The following SGCD variants were observed in gnomAD, a reference collection of about 807,000 sequenced individuals.
The protein encoded by SGCD is sarcoglycan delta, also known as delta-sarcoglycan.
Under a neutral mutation model 36.6 loss-of-function variants are expected in SGCD, and 18 were observed. The ratio of observed to expected loss-of-function variants is 0.49; its 90% CI spans 0.34 to 0.73. The LOEUF (loss-of-function observed/expected upper bound fraction) is 0.73, where lower values mean the gene tolerates loss of function less well. SGCD is among the 30% of genes least tolerant of loss of function. The pLI, the probability that SGCD is intolerant of heterozygous loss-of-function variation, is 0.01. For synonymous variants in SGCD, 133 were observed against 130.6 expected, an observed-to-expected ratio of 1.02 and a Z score of -0.12; for missense variants, 387 against 346.7, an observed-to-expected ratio of 1.12 and a Z score of -0.92.
chr5:156,383,113 TA>T (rs984951975), intron 3 of SGCD, among the ~76,000 whole-genome samples: 2 of 152,202 alleles, frequency 1.3e-5, no homozygotes, highest in African/African-American at 4.8e-5. Context: ...CCTGGAAGTT[TA>T]ACCATAATAC....
intron 3 of SGCD, among the ~76,000 whole-genome samples, chr5:156,292,681 A>G (rs1034839412): frequency 6.6e-6 from 1 of 151,974 alleles, no homozygotes; most frequent in Non-Finnish European, 1.5e-5. Context: ...CCACCATACT[A>G]TTTTCCACAG....
At chr5:156,017,050 C>T (rs1488575121) in intron 1 of SGCD, among the ~76,000 whole-genome samples, 2 of 152,096 alleles carry the variant, frequency 1.3e-5, no homozygotes, top group African/African-American at 4.8e-5. Flanking sequence ...TTTCAATAGC[C>T]TCACCAATAA....
chr5:156,019,559 ATC>A (rs1167747044), intron 1 of SGCD, among the ~76,000 whole-genome samples: 1 of 152,216 alleles, frequency 6.6e-6, no homozygotes, highest in East Asian at 1.9e-4. Context: ...TGTGTGGAAC[ATC>A]TGTCAGGAAT....
intron 3 of SGCD, among the ~76,000 whole-genome samples, chr5:156,227,994 G>T (rs552506724): frequency 6.6e-6 from 1 of 152,094 alleles, no homozygotes; most frequent in African/African-American, 2.4e-5. Context: ...ATTCCACTGT[G>T]GTCTGAAAGA....
At chr5:156,280,824 C>T (rs1766435296) in intron 3 of SGCD, among the ~76,000 whole-genome samples, 1 of 152,132 alleles carries the variant, frequency 6.6e-6, no homozygotes, top group South Asian at 2.1e-4. Context: ...AATTTCTACC[C>T]ATTTTTCCTT....
chr5:156,172,172 T>G (rs1763360961), intron 3 of SGCD, among the ~76,000 whole-genome samples: 1 of 152,138 alleles, frequency 6.6e-6, no homozygotes, highest in African/African-American at 2.4e-5. Context: ...TAATCCAAGC[T>G]ACTCCGGAGG....
chr5:156,183,885 T>A (rs1306181968), intron 3 of SGCD, among the ~76,000 whole-genome samples: 1 of 152,050 alleles, frequency 6.6e-6, no homozygotes, highest in Non-Finnish European at 1.5e-5. Context: ...CTATGAAAAA[T>A]CAAGAGCAGT....
the SGCD span, among the ~76,000 whole-genome samples, chr5:155,825,133 T>C: frequency 2.0e-5 from 3 of 152,192 alleles, no homozygotes; most frequent in African/African-American, 4.8e-5. Flanking sequence ...CAAGATCTCC[T>C]GTAATCCATG....
intron 7 of SGCD, among the ~76,000 whole-genome samples, chr5:156,718,811 AAAAAAAAAAATGAAAG>A (rs1019926743): frequency 6.6e-6 from 1 of 151,042 alleles, no homozygotes; most frequent in African/African-American, 2.4e-5. Flanking sequence ...CTACCAAAAA[AAAAAAAAAAATGAAAG>A]AAAAAAATTA....
At chr5:156,407,672 T>C (rs1014014392) in intron 3 of SGCD, among the ~76,000 whole-genome samples, 2 of 152,338 alleles carry the variant, frequency 1.3e-5, no homozygotes, top group South Asian at 4.2e-4. Flanking sequence ...CTTGAGCTTT[T>C]GTTTAATTGA....
intron 7 of SGCD, among the ~76,000 whole-genome samples, chr5:156,667,262 G>C (rs138500933): frequency 6.6e-6 from 1 of 152,192 alleles, no homozygotes; most frequent in Non-Finnish European, 1.5e-5. Flanking sequence ...AAGAGACAGA[G>C]AGACAGACAG....
intron 3 of SGCD, among the ~76,000 whole-genome samples, chr5:156,416,516 TAAAAA>T (rs796185590): frequency 1.6e-4 from 24 of 151,606 alleles, no homozygotes; most frequent in African/African-American, 5.8e-4. Flanking sequence ...ACTACTGAAA[TAAAAA>T]AAAATTTTAA....
At chr5:156,624,559 T>C (rs555647168) in intron 6 of SGCD, among the ~76,000 whole-genome samples, 7 of 152,164 alleles carry the variant, frequency 4.6e-5, no homozygotes, top group South Asian at 2.1e-4. Context: ...CCAGCCTGGG[T>C]GACAGAACAA....
chr5:155,780,052 T>G, the SGCD span, among the ~76,000 whole-genome samples: 1 of 152,134 alleles, frequency 6.6e-6, no homozygotes, highest in African/African-American at 2.4e-5. Flanking sequence ...TTGCAGGAAT[T>G]AAGACACTAG....
In SGCD at chr5:156,544,101, G is replaced by A. The variant is rs1758462863; in HGVS notation, c.294+35399G>A. Reference sequence around the variant, plus strand: ...GAGGACCACAATTTCAAGTTAACAAGGAGTCGGATACCCAGTGTGAGCAAT... The same window carrying A: ...GAGGACCACAATTTCAAGTTAACAAAGAGTCGGATACCCAGTGTGAGCAAT... On this transcript the variant is annotated intron_variant, in intron 4 of 8. Transcript: ENST00000337851. Among the ~76,000 whole-genome samples, 6 of 152,192 alleles carry A rather than the reference G, an allele frequency of 3.9e-5. No homozygotes were observed. The South Asian group carries it at 1.2e-3, about 32-fold the overall frequency.
intron 1 of SGCD, among the ~76,000 whole-genome samples, chr5:155,939,838 C>CTT (rs78904259): frequency 4.3e-5 from 6 of 139,800 alleles, no homozygotes; most frequent in South Asian, 2.3e-4. Context: ...CCAAATGTCT[C>CTT]TTTTTTTTTT....
intron 3 of SGCD, among the ~76,000 whole-genome samples, chr5:156,504,692 C>A (rs1292674765): frequency 6.6e-6 from 1 of 151,922 alleles, no homozygotes; most frequent in South Asian, 2.1e-4. Context: ...TATTTCCTTA[C>A]GATGAAATCC....
At chr5:156,518,937 A>G (rs1432012155) in intron 4 of SGCD, among the ~76,000 whole-genome samples, 2 of 152,170 alleles carry the variant, frequency 1.3e-5, no homozygotes, top group Admixed American at 1.3e-4. Context: ...ATCACAACTA[A>G]AAGAACTAGA....
At chr5:156,738,901 CAGACATCCAGCAGATGA>C (rs1469537920) in intron 7 of SGCD, among the ~76,000 whole-genome samples, 1 of 152,184 alleles carries the variant, frequency 6.6e-6, no homozygotes, top group Non-Finnish European at 1.5e-5. Context: ...AAACATCCAG[CAGACATCCAGCAGATGA>C]GGTGCTTGGG....
Sources: gnomAD v4.1 joint callset for allele counts (sites outside exome capture counted in the v4.1 genomes callset) on GRCh38, gnomAD v4.1.1 for gene constraint, MANE v1.5 for transcripts, NCBI Gene and HGNC (gene_info 2026-07-23, HGNC 2026-07-21) for gene names.